XPO4: variants seen among roughly 807,000 people sequenced by gnomAD.
XPO4 encodes the protein exportin-4.
In XPO4, 39 loss-of-function variants were observed where a neutral mutation model predicts 143.0. The ratio of observed to expected loss-of-function variants is 0.27; its 90% CI spans 0.21 to 0.36. The LOEUF (loss-of-function observed/expected upper bound fraction) is 0.36, where lower values mean the gene tolerates loss of function less well. Ranked by LOEUF, XPO4 falls within the 10% of genes least tolerant of loss-of-function variation. The pLI is 1.00. For synonymous variants in XPO4, 439 were observed against 474.0 expected, an observed-to-expected ratio of 0.93 and a Z score of 0.96; for missense variants, 907 against 1,348.0, an observed-to-expected ratio of 0.67 and a Z score of 5.12.
intron 4 of XPO4, chr13:20,850,275 C>T (rs1182706577): frequency 3.1e-6 from 3 of 981,660 alleles, no homozygotes; most frequent in Non-Finnish European, 3.6e-6. Context: ...GGCACAAATA[C>T]TTGCTGAATA....
chr13:20,842,658 C>T (rs1014478580), intron 6 of XPO4, among the ~76,000 whole-genome samples: 4 of 152,178 alleles, frequency 2.6e-5, no homozygotes, highest in Admixed American at 2.6e-4. Context: ...TCATCCACCA[C>T]GTTTCTATGT....
intron 1 of XPO4, among the ~76,000 whole-genome samples, chr13:20,901,698 G>A (rs867078023): frequency 1.4e-4 from 21 of 152,270 alleles, no homozygotes; most frequent in Middle Eastern, 3.4e-3. Context: ...TCTCAAATGT[G>A]ATGCTCAAAC....
At chr13:20,884,625 C>T (rs1221799746) in intron 1 of XPO4, among the ~76,000 whole-genome samples, 2 of 152,048 alleles carry the variant, frequency 1.3e-5, no homozygotes, top group Non-Finnish European at 2.9e-5. Flanking sequence ...GTTACCCAGG[C>T]TGGTCTCAAA....
intron 2 of XPO4, chr13:20,866,088 C>A (rs1338618363): frequency 3.0e-6 from 3 of 985,226 alleles, no homozygotes; most frequent in African/African-American, 1.7e-5. Flanking sequence ...TTGATTATTT[C>A]TTTAACAAGA....
intron 18 of XPO4, among the ~76,000 whole-genome samples, chr13:20,792,762 G>GTTATGCTTTTATTAT (rs2059304213): frequency 6.9e-6 from 1 of 145,350 alleles, no homozygotes; most frequent in African/African-American, 2.5e-5. Flanking sequence ...CCAGTTTCCA[G>GTTATGCTTTTATTAT]TTATGCTTTT....
In XPO4 at chr13:20,800,237, T is replaced by C; in HGVS notation, c.2066A>G (p.Asn689Ser). ...IGYLLQKVIS[N>S]LSVWSSEQDL... is the part of the protein sequence containing the mutation. ...CTGCTCACTACTCCAGACTGAGAGG[T>C]TACTGATGACTTTTTGTAAGAGGTA... The change falls in exon 15 of 23, where the codon AAC becomes AGC. Residue 689 changes from asparagine (N) to serine (S), a missense_variant. Physicochemically the swap from Asn to Ser is conservative, Grantham distance 46. Transcript: ENST00000255305. The C allele has an allele frequency of 1.9e-6, 3 of 1,614,070 alleles. No individual in the cohort carries two copies. Among genetic ancestry groups the C allele is most frequent in the Non-Finnish European group, 2.5e-6 (3 of 1,180,018 alleles).
rs370480026 is a variant in XPO4 at position 20,800,287 on chromosome 13, T to C, written c.2016A>G (p.Thr672=). The C allele has an allele frequency of 8.7e-6, 14 of 1,613,972 alleles. No homozygotes were observed. Among genetic ancestry groups the C allele is most frequent in the Non-Finnish European group, 1.2e-5 (14 of 1,180,004 alleles). Residue 672 remains threonine, a synonymous_variant, in exon 15 of 23, where the codon ACA becomes ACG. Transcript: ENST00000255305. ...AGCCAATTATCCACTGAGAACCCTC[T>C]GTATCTGCTCCGAACGCTGTACTGA... ...LPFSTAFGAD[T]EGSQWIIGYL... is the part of the protein sequence containing the mutation.
intron 6 of XPO4, among the ~76,000 whole-genome samples, chr13:20,834,753 G>A (rs994855307): frequency 6.6e-6 from 1 of 151,248 alleles, no homozygotes; most frequent in Non-Finnish European, 1.5e-5. Context: ...GAGCCCAGGA[G>A]AGTTTGAGGA....
At chr13:20,888,175 C>CAAAAAAAA (rs60114182) in intron 1 of XPO4, among the ~76,000 whole-genome samples, 1 of 90,580 alleles carries the variant, frequency 1.1e-5, no homozygotes, top group African/African-American at 4.7e-5. Context: ...AACTCCATCT[C>CAAAAAAAA]AAAAAAAAAA....
intron 18 of XPO4, among the ~76,000 whole-genome samples, chr13:20,795,541 G>A (rs1422846996): frequency 6.6e-6 from 1 of 152,230 alleles, no homozygotes; most frequent in African/African-American, 2.4e-5. Context: ...GGTCTTCAAA[G>A]TGTGGGCTGT....
chr13:20,839,949 C>T (rs1466415761), intron 6 of XPO4, among the ~76,000 whole-genome samples: 2 of 151,872 alleles, frequency 1.3e-5, no homozygotes, highest in East Asian at 3.9e-4. Context: ...TGTCACTGCA[C>T]TCCAGCCTAG....
chr13:20,868,616 G>A lies in XPO4; in HGVS notation c.155C>T (p.Ala52Val). The change falls in exon 2 of 23, where the codon GCA becomes GTA. Residue 52 changes from alanine (A) to valine (V), a missense_variant. Physicochemically the swap from Ala to Val is moderately conservative, Grantham distance 64. Coordinates refer to ENST00000255305, the MANE Select transcript of XPO4 (RefSeq NM_022459.5). ...CTTACCCAAAATATGCTTGCAAACT[G>A]CAAATGGTGATTTTGATTTCCTAAA... ...LSFRKSKSPF[A>V]VCKHILETSK... is the part of the protein sequence containing the mutation. 7 of 1,612,482 alleles carry A rather than the reference G, an allele frequency of 4.3e-6. No homozygotes were observed. The highest frequency in any genetic ancestry group is 5.9e-6 in the Non-Finnish European group (7 of 1,179,316).
rs1170424050 is a variant in XPO4 at position 20,808,598 on chromosome 13, C to T, written c.1494-17G>A. ...TCTAATAAACTAAAAGAGAAGAAAACAGTAGCTTCATAAAGTTCAATAAGC... is the reference window on the plus strand; with the variant it reads ...TCTAATAAACTAAAAGAGAAGAAAATAGTAGCTTCATAAAGTTCAATAAGC... On this transcript the variant is annotated splice_polypyrimidine_tract_variant and intron_variant, in intron 11 of 22. Coordinates refer to ENST00000255305, the MANE Select transcript of XPO4 (RefSeq NM_022459.5). 3.3e-6 allele frequency: 5 copies of T among 1,523,124 alleles called. No individual in the cohort carries two copies. The highest frequency in any genetic ancestry group is 2.3e-5 in the East Asian group (1 of 43,480). The allele number at this position is 1,523,124 out of a possible 1,614,324, so 94.4% of individuals were successfully genotyped here. A position where few individuals can be genotyped will look rare whatever the true frequency, so the allele number is the denominator to read the frequency against.
chr13:20,845,350 G>A (rs1311881642), intron 4 of XPO4, among the ~76,000 whole-genome samples: 2 of 152,216 alleles, frequency 1.3e-5, no homozygotes, highest in Non-Finnish European at 2.9e-5. Context: ...CTAGGGGTAT[G>A]ATCAAAGATG....
intron 13 of XPO4, among the ~76,000 whole-genome samples, chr13:20,804,784 G>A (rs1178822451): frequency 6.6e-6 from 1 of 152,014 alleles, no homozygotes; most frequent in African/African-American, 2.4e-5. Flanking sequence ...GATTACATTT[G>A]TATGTCATAA....
chr13:20,808,583 T>TA lies in XPO4; in HGVS notation c.1494-3dup. 6.5e-7 allele frequency: 1 copy of TA among 1,533,572 alleles called. No individual in the cohort carries two copies. The highest frequency in any genetic ancestry group is 1.3e-5 in the South Asian group (1 of 78,770). 95.0% of individuals were successfully genotyped at this position (1,533,572 alleles called of 1,614,324 possible). On this transcript the variant is annotated splice_region_variant and splice_polypyrimidine_tract_variant and intron_variant, in intron 11 of 22. Transcript: ENST00000255305. The stretch of plus-strand genomic sequence containing the variant: ...CTTGTTACTCTTTCTTCTAATAAAC[T>TA]AAAAGAGAAGAAAACAGTAGCTTCA...
At chr13:20,835,608 T>A (rs1257140631) in intron 6 of XPO4, among the ~76,000 whole-genome samples, 1 of 152,214 alleles carries the variant, frequency 6.6e-6, no homozygotes, top group Non-Finnish European at 1.5e-5. Context: ...TCATCTAAGC[T>A]TAAAGCATAA....
Position 20,781,994 on chromosome 13 carries a change from A to C in XPO4, c.*1728T>G, listed in dbSNP as rs1447348943. On this transcript the variant is annotated 3_prime_UTR_variant, in exon 23 of 23. Transcript: ENST00000255305. ...TAATTTCCTTCCTAGCAGTCTTTTC[A>C]AGATGTTTTTGCTTCCCCTTAATTG... is the stretch of plus-strand genomic sequence containing the variant. The C allele has an allele frequency of 6.6e-6, 1 of 152,240 alleles. No individual in the cohort carries two copies. The highest frequency in any genetic ancestry group is 1.5e-5 in the Non-Finnish European group (1 of 68,026). The allele number at this position is 152,240 out of a possible 1,614,324, so 9.4% of individuals were successfully genotyped here.
At chr13:20,812,349 T>C (rs1244903313) in intron 9 of XPO4, among the ~76,000 whole-genome samples, 6 of 152,086 alleles carry the variant, frequency 3.9e-5, no homozygotes, top group African/African-American at 1.4e-4. Context: ...TGGCAGATCA[T>C]TGAGGATGAA....
Sources: allele counts gnomAD v4.1 joint callset (sites outside exome capture counted in the v4.1 genomes callset), GRCh38; gene constraint gnomAD v4.1.1; transcripts MANE v1.5; gene names NCBI Gene and HGNC (gene_info 2026-07-23, HGNC 2026-07-21).